EYA4: variants seen among roughly 807,000 people sequenced by gnomAD.
EYA4 encodes the protein protein phosphatase EYA4.
A neutral mutation model predicts 87.9 loss-of-function variants in EYA4; 31 were observed. That is an observed-to-expected ratio of 0.35 (90% confidence interval 0.27 to 0.48). The LOEUF is 0.48. Among genes scored for constraint, EYA4 ranks in the 20% least tolerant of loss-of-function variants. The pLI is 0.99. For synonymous variants in EYA4, 263 were observed against 270.6 expected (o/e 0.97, Z 0.28); for missense variants, 678 against 761.4 (o/e 0.89, Z 1.29).
At chr6:133,411,299 T>C (rs1017432208) in intron 3 of EYA4, among the ~76,000 whole-genome samples, 96 of 152,258 alleles carry the variant, frequency 6.3e-4, no homozygotes, top group African/African-American at 2.2e-3. Context: ...AAATAGTTAA[T>C]AAATTTTTAT....
intron 3 of EYA4, among the ~76,000 whole-genome samples, chr6:133,386,217 C>T (rs1259536310): frequency 6.6e-6 from 1 of 151,918 alleles, no homozygotes; most frequent in Admixed American, 6.6e-5. Context: ...TGATATTTTG[C>T]ATTGATGTTT....
chr6:133,285,541 A>C (rs1269220228), intron 2 of EYA4, among the ~76,000 whole-genome samples: 2 of 152,202 alleles, frequency 1.3e-5, no homozygotes, highest in Non-Finnish European at 2.9e-5. Flanking sequence ...AGGTTTCCAG[A>C]CCATTGTAAA....
chr6:133,411,553 A>G (rs573873166), intron 3 of EYA4, among the ~76,000 whole-genome samples: 4 of 150,906 alleles, frequency 2.7e-5, no homozygotes, highest in East Asian at 1.9e-4. Flanking sequence ...GTATCTGTAT[A>G]TCTGTCTATC....
chr6:133,525,957 T>C (rs1800601149), intron 19 of EYA4: 25 of 982,794 alleles, frequency 2.5e-5, no homozygotes, highest in Non-Finnish European at 3.0e-5. Context: ...CAGTGGTACT[T>C]GATTGAAGCC....
chr6:133,311,970 A>G (rs1582921511), intron 2 of EYA4, among the ~76,000 whole-genome samples: 1 of 152,312 alleles, frequency 6.6e-6, no homozygotes, highest in East Asian at 1.9e-4. Context: ...AGATCTGTTA[A>G]AAGTACAACA....
At chr6:133,349,392 T>G (rs1335597212) in intron 2 of EYA4, among the ~76,000 whole-genome samples, 1 of 152,230 alleles carries the variant, frequency 6.6e-6, no homozygotes, top group East Asian at 1.9e-4. Flanking sequence ...ATTTTGTAGA[T>G]TTTTATTTCA....
chr6:133,505,887 T>C (rs1314604338), intron 13 of EYA4, among the ~76,000 whole-genome samples: 1 of 152,178 alleles, frequency 6.6e-6, no homozygotes, highest in Non-Finnish European at 1.5e-5. Context: ...TGCTGAGTCA[T>C]CGTTACGTAT....
intron 3 of EYA4, among the ~76,000 whole-genome samples, chr6:133,409,313 A>C (rs2128534822): frequency 6.6e-6 from 1 of 152,318 alleles, no homozygotes; most frequent in East Asian, 1.9e-4. Flanking sequence ...TGGATAAAGA[A>C]ATTGCAAAAT....
intron 3 of EYA4, among the ~76,000 whole-genome samples, chr6:133,394,680 T>C (rs1419493600): frequency 6.6e-6 from 1 of 152,214 alleles, no homozygotes; most frequent in Non-Finnish European, 1.5e-5. Context: ...AGTGAAGGAA[T>C]ATATCGAAAA....
intron 14 of EYA4, among the ~76,000 whole-genome samples, chr6:133,508,635 G>A (rs1286662797): frequency 2.0e-5 from 3 of 152,084 alleles, no homozygotes; most frequent in Non-Finnish European, 2.9e-5. Flanking sequence ...GAAGCCAGAT[G>A]GAATAAATTT....
At chr6:133,395,688 G>C (rs1787726777) in intron 3 of EYA4, among the ~76,000 whole-genome samples, 1 of 152,204 alleles carries the variant, frequency 6.6e-6, no homozygotes, top group Non-Finnish European at 1.5e-5. Context: ...TTGAACCCGA[G>C]AGGTGGAGGT....
intron 3 of EYA4, among the ~76,000 whole-genome samples, chr6:133,409,254 A>G (rs1788999709): frequency 6.6e-6 from 1 of 152,204 alleles, no homozygotes; most frequent in Non-Finnish European, 1.5e-5. Flanking sequence ...AGCGTTATTC[A>G]CAATAACCAA....
intron 2 of EYA4, among the ~76,000 whole-genome samples, chr6:133,314,527 T>G (rs1467510310): frequency 6.6e-6 from 1 of 152,182 alleles, no homozygotes; most frequent in Non-Finnish European, 1.5e-5. Flanking sequence ...CATCTATACT[T>G]GCATATTTAT....
At chr6:133,310,316 A>C (rs905724200) in intron 2 of EYA4, among the ~76,000 whole-genome samples, 1 of 152,110 alleles carries the variant, frequency 6.6e-6, no homozygotes, top group African/African-American at 2.4e-5. Context: ...CTACTTCACT[A>C]TCTATATGAT....
chr6:133,470,346 G>A (rs1259705933), intron 11 of EYA4, among the ~76,000 whole-genome samples: 3 of 76,124 alleles, frequency 3.9e-5, no homozygotes, highest in African/African-American at 1.9e-4. Context: ...ATTAAATAGG[G>A]AATCCTTTCC....
chr6:133,334,021 G>C (rs296415), intron 2 of EYA4, among the ~76,000 whole-genome samples: 124,184 of 152,044 alleles, frequency 0.82, 51,011 homozygotes, highest in African/African-American at 0.89. Context: ...TCTCAGCTAT[G>C]TTTCAATCTT....
At chr6:133,381,388 G>C (rs958727889) in intron 2 of EYA4, among the ~76,000 whole-genome samples, 2 of 152,108 alleles carry the variant, frequency 1.3e-5, no homozygotes, top group Non-Finnish European at 2.9e-5. Flanking sequence ...TACTTTGTGA[G>C]TTGGAAAGAC....
intron 2 of EYA4, among the ~76,000 whole-genome samples, chr6:133,348,801 G>C (rs147772176): frequency 1.3e-5 from 2 of 151,958 alleles, no homozygotes; most frequent in Admixed American, 6.6e-5. Context: ...TCTCCATCTC[G>C]GTGATTGCAG....
At chr6:133,318,416 G>T (rs551498016) in intron 2 of EYA4, among the ~76,000 whole-genome samples, 1 of 152,294 alleles carries the variant, frequency 6.6e-6, no homozygotes, top group Admixed American at 6.5e-5. Flanking sequence ...TGATTTGCCG[G>T]TGGAGGTAAA....
Sources: allele counts gnomAD v4.1 joint callset (sites outside exome capture counted in the v4.1 genomes callset), GRCh38; gene constraint gnomAD v4.1.1; transcripts MANE v1.5; gene names NCBI Gene and HGNC (gene_info 2026-07-23, HGNC 2026-07-21).